Variants in NKAIN3 observed in about 807,000 individuals in gnomAD.
The protein encoded by NKAIN3 is sodium/potassium transporting ATPase interacting 3, also known as sodium/potassium-transporting ATPase subunit beta-1-interacting protein 3.
In NKAIN3, 25 loss-of-function variants were observed where a neutral mutation model predicts 30.2. That is an observed-to-expected ratio of 0.83 (90% CI 0.60 to 1.16). The LOEUF is 1.16. NKAIN3 is among the 50% of genes most tolerant of loss of function. The probability of loss-of-function intolerance (pLI) is 0.00; values close to 1 mark genes in which losing one functional copy is unlikely to be tolerated. For synonymous variants in NKAIN3, 91 were observed against 89.6 expected, an observed-to-expected ratio of 1.02 and a Z score of -0.09; for missense variants, 225 against 254.1, an observed-to-expected ratio of 0.89 and a Z score of 0.78.
intron 1 of NKAIN3, among the ~76,000 whole-genome samples, chr8:62,431,810 CTTAA>C: frequency 6.8e-6 from 1 of 146,042 alleles, no homozygotes; most frequent in East Asian, 2.1e-4. Flanking sequence ...TTAGAGAATG[CTTAA>C]TTATCTTTTG....
At chr8:62,363,272 A>T (rs1193832841) in intron 1 of NKAIN3, among the ~76,000 whole-genome samples, 2 of 152,074 alleles carry the variant, frequency 1.3e-5, no homozygotes, top group South Asian at 4.2e-4. Flanking sequence ...AGGACTTTTG[A>T]TTCTCTTGAT....
At chr8:62,990,065 C>G (rs1420140013) in intron 5 of NKAIN3, 6 of 628,628 alleles carry the variant, frequency 9.5e-6, no homozygotes, top group Middle Eastern at 4.3e-4. Flanking sequence ...CTTATATTGA[C>G]TTTTATTACA....
chr8:62,386,918 A>T (rs1379449890), intron 1 of NKAIN3, among the ~76,000 whole-genome samples: 4 of 52,688 alleles, frequency 7.6e-5, no homozygotes, highest in South Asian at 1.7e-3. Flanking sequence ...GATATATGAG[A>T]GAGAGAGAGA....
At chr8:62,424,554 A>G (rs2129597051) in intron 1 of NKAIN3, among the ~76,000 whole-genome samples, 1 of 152,042 alleles carries the variant, frequency 6.6e-6, no homozygotes, top group African/African-American at 2.4e-5. Flanking sequence ...AAAATGCTCA[A>G]CATCAGTAAT....
intron 4 of NKAIN3, among the ~76,000 whole-genome samples, chr8:62,858,599 G>A (rs1301489976): frequency 2.6e-5 from 4 of 152,222 alleles, no homozygotes; most frequent in African/African-American, 9.6e-5. Flanking sequence ...AGGGGGAATG[G>A]TTTGAGGTCC....
intron 3 of NKAIN3, among the ~76,000 whole-genome samples, chr8:62,738,916 C>T (rs149590879): frequency 0.03 from 4,511 of 152,118 alleles, 237 homozygotes; most frequent in African/African-American, 0.1. Flanking sequence ...ACATATACAC[C>T]ATGGAATACT....
chr8:62,847,301 C>T (rs1472779385), intron 4 of NKAIN3, among the ~76,000 whole-genome samples: 1 of 152,192 alleles, frequency 6.6e-6, no homozygotes, highest in African/African-American at 2.4e-5. Flanking sequence ...TACACTCCCA[C>T]TAACCGTGTA....
intron 3 of NKAIN3, among the ~76,000 whole-genome samples, chr8:62,702,406 T>G (rs1374555278): frequency 6.6e-6 from 1 of 152,164 alleles, no homozygotes; most frequent in Non-Finnish European, 1.5e-5. Context: ...GGAAAAATAT[T>G]TTAATATGGA....
rs1407186181 is a variant in NKAIN3 at position 62,935,947 on chromosome 8, G to C, written c.532+17434G>C. Among the ~76,000 whole-genome samples, 3 of 152,086 alleles carry C rather than the reference G, an allele frequency of 2.0e-5. 1 individual carries two copies. The highest frequency in any genetic ancestry group is 7.2e-5 in the African/African-American group (3 of 41,380). On this transcript the variant is annotated intron_variant, in intron 5 of 6. Coordinates refer to ENST00000623646, the MANE Select transcript of NKAIN3 (RefSeq NM_001304533.3). ...ACAAAAAAATTTAAAAACAAAAACTGTGTTTCATTTTAATAGCTGCAAAAT... is the reference window on the plus strand; with the variant it reads ...ACAAAAAAATTTAAAAACAAAAACTCTGTTTCATTTTAATAGCTGCAAAAT...
At chr8:62,964,549 T>A (rs909956731) in intron 6 of NKAIN3, among the ~76,000 whole-genome samples, 140 of 143,318 alleles carry the variant, frequency 9.8e-4, no homozygotes, top group South Asian at 5.6e-3. Context: ...TGTGTGTGTG[T>A]GTGTGTGTGT....
chr8:62,264,950 A>G (rs377536390), intron 1 of NKAIN3, among the ~76,000 whole-genome samples: 1 of 152,068 alleles, frequency 6.6e-6, no homozygotes, highest in African/African-American at 2.4e-5. Context: ...TTATGATCTG[A>G]CCTTTTCCAC....
intron 1 of NKAIN3, among the ~76,000 whole-genome samples, chr8:62,486,786 C>A (rs1465426716): frequency 2.0e-5 from 3 of 152,184 alleles, no homozygotes; most frequent in Non-Finnish European, 4.4e-5. Flanking sequence ...TAAATGGCAA[C>A]TGGCAACAAC....
At chr8:62,533,548 A>G (rs997974931) in intron 1 of NKAIN3, among the ~76,000 whole-genome samples, 7 of 152,246 alleles carry the variant, frequency 4.6e-5, no homozygotes, top group African/African-American at 7.2e-5. Flanking sequence ...TCCTCTAAAG[A>G]ACATGAATTA....
At chr8:62,721,055 A>C (rs1815072475) in intron 3 of NKAIN3, among the ~76,000 whole-genome samples, 1 of 152,166 alleles carries the variant, frequency 6.6e-6, no homozygotes, top group Admixed American at 6.6e-5. Flanking sequence ...AGCTAGGAAA[A>C]TCTTTGCCCT....
At chr8:62,906,926 T>A (rs971438229) in intron 4 of NKAIN3, among the ~76,000 whole-genome samples, 1 of 152,134 alleles carries the variant, frequency 6.6e-6, no homozygotes, top group Admixed American at 6.6e-5. Flanking sequence ...AGATGTATAA[T>A]CAACTTTGAA....
At chr8:62,804,807 T>C (rs1004064494) in intron 4 of NKAIN3, among the ~76,000 whole-genome samples, 21 of 152,074 alleles carry the variant, frequency 1.4e-4, no homozygotes, top group Non-Finnish European at 2.2e-4. Context: ...CCAGGGCAAT[T>C]AGGCAGGAGA....
intron 4 of NKAIN3, among the ~76,000 whole-genome samples, chr8:62,871,021 A>G (rs527317774): frequency 7.2e-5 from 11 of 152,204 alleles, no homozygotes; most frequent in South Asian, 4.1e-4. Flanking sequence ...GGTAACATTG[A>G]CAAACAAAAA....
intron 5 of NKAIN3, among the ~76,000 whole-genome samples, chr8:62,923,120 G>A (rs1822330755): frequency 6.6e-6 from 1 of 152,062 alleles, no homozygotes; most frequent in Non-Finnish European, 1.5e-5. Flanking sequence ...AACACGGTGA[G>A]ACCTCATCTC....
intron 4 of NKAIN3, among the ~76,000 whole-genome samples, chr8:62,773,467 G>T (rs1326497153): frequency 6.6e-6 from 1 of 152,104 alleles, no homozygotes; most frequent in African/African-American, 2.4e-5. Context: ...TAGCTCTGCA[G>T]CATAATTTGA....
Sources: allele counts gnomAD v4.1 joint callset (sites outside exome capture counted in the v4.1 genomes callset), GRCh38; gene constraint gnomAD v4.1.1; transcripts MANE v1.5; gene names NCBI Gene and HGNC (gene_info 2026-07-23, HGNC 2026-07-21).